The following WDR64 variants were observed in gnomAD, a reference collection of about 807,000 sequenced individuals.
WDR64 encodes the protein WD repeat domain 64.
In WDR64, 112 loss-of-function variants were observed where a neutral mutation model predicts 139.3. The observed-to-expected ratio is 0.80, with a 90% confidence interval of 0.69 to 0.94. The LOEUF is 0.94. WDR64 is among the 40% of genes least tolerant of loss of function. WDR64 has a pLI of 0.00. For synonymous variants in WDR64, 444 were observed against 437.7 expected, an observed-to-expected ratio of 1.01 and a Z score of -0.18; for missense variants, 1,206 against 1,293.1, an observed-to-expected ratio of 0.93 and a Z score of 1.03.
chr1:241,669,590 G>A (rs149690231), intron 2 of WDR64, among the ~76,000 whole-genome samples: 3,816 of 152,204 alleles, frequency 0.025, 59 homozygotes, highest in Middle Eastern at 0.044. Flanking sequence ...AGCAAGTCTC[G>A]ATGAGCCTGA....
At chr1:241,654,495 G>C (rs1313773031) in intron 1 of WDR64, among the ~76,000 whole-genome samples, 1 of 152,150 alleles carries the variant, frequency 6.6e-6, no homozygotes, top group Non-Finnish European at 1.5e-5. Flanking sequence ...ACTGTTAGCT[G>C]CCTCTGCTTC....
Position 241,652,481 on chromosome 1 carries a change from C to A in WDR64, c.-4C>A. ...TACAGAAGTAAAAGATCCCCTATGT[C>A]CCTATGGATATCAGGAAGGAAAAGC... is the stretch of plus-strand genomic sequence containing the variant. On this transcript the variant is annotated 5_prime_UTR_variant, in exon 1 of 28. Coordinates refer to ENST00000437684, the MANE Select transcript of WDR64 (RefSeq NM_001367482.1). 1 of 1,551,992 alleles carries A rather than the reference C, an allele frequency of 6.4e-7. No individual in the cohort carries two copies. The highest frequency in any genetic ancestry group is 2.4e-5 in the East Asian group (1 of 40,910).
intron 8 of WDR64, among the ~76,000 whole-genome samples, chr1:241,707,762 G>T (rs552499698): frequency 3.5e-4 from 54 of 152,312 alleles, no homozygotes; most frequent in African/African-American, 1.3e-3. Flanking sequence ...CCAGCTGCAG[G>T]TATAGGGGAA....
intron 8 of WDR64, among the ~76,000 whole-genome samples, chr1:241,705,387 A>C (rs941420542): frequency 2.0e-5 from 3 of 151,366 alleles, no homozygotes; most frequent in Non-Finnish European, 4.4e-5. Context: ...TGAAAATACA[A>C]AAAAAATAGC....
Position 241,656,724 on chromosome 1 carries a change from G to A in WDR64, c.146-3806G>A, listed in dbSNP as rs536565761. ...TAAATAATTATTTGTATATGTGTGC[G>A]TGTGTGGAGTTGGGGGCCTAGGGTG... is the stretch of plus-strand genomic sequence containing the variant. On this transcript the variant is annotated intron_variant, in intron 1 of 27. Coordinates refer to ENST00000437684, the MANE Select transcript of WDR64 (RefSeq NM_001367482.1). This position sits in a 1 kb window ranked among gnomAD's most constrained non-coding sequence, Gnocchi z 4.3. 5.6e-4 allele frequency among the ~76,000 whole-genome samples: 85 copies of A among 152,018 alleles called. No individual in the cohort carries two copies. Among genetic ancestry groups the A allele is most frequent in the Non-Finnish European group, 1.0e-3 (70 of 68,020 alleles).
In WDR64 at chr1:241,751,090, T is replaced by C. The variant is rs192419403; in HGVS notation, c.1770+1368T>C. Among the ~76,000 whole-genome samples the C allele has an allele frequency of 6.7e-3, 1,018 of 152,322 alleles. 5 individuals carry two copies. The highest frequency in any genetic ancestry group is 0.023 in the African/African-American group (967 of 41,558). On this transcript the variant is annotated intron_variant, in intron 14 of 27. Coordinates refer to ENST00000437684, the MANE Select transcript of WDR64 (RefSeq NM_001367482.1). ...GAATACTTTCATTCATTCATTTTTT[T>C]CAATGACCAGTTACCAAATATTTGC...
chr1:241,684,343 CA>C (rs1435243767), intron 7 of WDR64, among the ~76,000 whole-genome samples: 4 of 152,138 alleles, frequency 2.6e-5, no homozygotes, highest in African/African-American at 9.7e-5. Flanking sequence ...AAATGGTCAA[CA>C]AACATTTCAA....
intron 2 of WDR64, among the ~76,000 whole-genome samples, chr1:241,663,166 A>T (rs907506127): frequency 1.3e-5 from 2 of 152,236 alleles, no homozygotes; most frequent in Non-Finnish European, 2.9e-5. Flanking sequence ...GGATAACTCT[A>T]TTGAAAAAAG....
At chr1:241,799,808 C>T (rs1172747709) in intron 27 of WDR64, among the ~76,000 whole-genome samples, 1 of 151,982 alleles carries the variant, frequency 6.6e-6, no homozygotes, top group East Asian at 1.9e-4. Context: ...CTAGAGAGCC[C>T]CACCCTTCCC....
intron 2 of WDR64, among the ~76,000 whole-genome samples, chr1:241,665,177 C>T (rs1665983938): frequency 6.6e-6 from 1 of 152,096 alleles, no homozygotes; most frequent in Non-Finnish European, 1.5e-5. Flanking sequence ...GCTTCTGGCA[C>T]ACTGTATGTA....
Position 241,771,523 on chromosome 1 carries a change from CA to C in WDR64, c.2254-129del, listed in dbSNP as rs139942709. On this transcript the variant is annotated intron_variant, in intron 18 of 27. Transcript: ENST00000437684. ...GAAAATCTCTGCAATACATTTTTTT[CA>C]AAAAAAAATTAAAGTATAATTTTAA... 8.5e-4 allele frequency: 445 copies of C among 521,442 alleles called. 8 individuals are homozygous for C. In the South Asian group the frequency reaches 0.024, roughly 28 times the overall value. The allele number at this position is 521,442 out of a possible 1,614,324, so 32.3% of individuals were successfully genotyped here.
At chr1:241,768,013 G>T (rs1389873862) in intron 16 of WDR64, among the ~76,000 whole-genome samples, 4 of 152,160 alleles carry the variant, frequency 2.6e-5, no homozygotes, top group African/African-American at 9.7e-5. Context: ...GTCAGCTTGT[G>T]TATGACTCTT....
At chr1:241,719,388 G>C (rs188714212) in intron 9 of WDR64, among the ~76,000 whole-genome samples, 6 of 152,280 alleles carry the variant, frequency 3.9e-5, no homozygotes, top group Non-Finnish European at 5.9e-5. Context: ...AATTAACTAT[G>C]AAGGATGATG....
At chr1:241,687,703 A>G in intron 8 of WDR64, 108 bp downstream of exon 8, 1 of 1,126,624 alleles carries the variant, frequency 8.9e-7, no homozygotes, top group Non-Finnish European at 1.2e-6. Context: ...AAAAAATCGG[A>G]CATTAACTAT....
intron 14 of WDR64, among the ~76,000 whole-genome samples, chr1:241,756,368 T>C (rs970202710): frequency 2.0e-5 from 3 of 152,178 alleles, no homozygotes; most frequent in Admixed American, 6.5e-5. Context: ...TGTTTGTCTA[T>C]TGCTGGTGTA....
chr1:241,757,568 C>T, intron 15 of WDR64, 109 bp downstream of exon 15: 1 of 1,036,534 alleles, frequency 9.6e-7, no homozygotes, highest in Non-Finnish European at 1.3e-6. Flanking sequence ...TGTGTTATCA[C>T]TCAGCTTCGA....
In WDR64 at chr1:241,672,291, G is replaced by GA. The variant is rs1018922710; in HGVS notation, c.379+1124dup. Among the ~76,000 whole-genome samples the GA allele has an allele frequency of 3.3e-5, 5 of 150,484 alleles. No homozygotes were observed. In the East Asian group the frequency reaches 5.8e-4, roughly 18 times the overall value. On this transcript the variant is annotated intron_variant, in intron 3 of 27. Coordinates refer to ENST00000437684, the MANE Select transcript of WDR64 (RefSeq NM_001367482.1). ...GCCTGGCTTCTGGCCATGGGAACTAGAAAAAAAAAGAAAAAGAAAAAGAAA... is the reference window on the plus strand; with the variant it reads ...GCCTGGCTTCTGGCCATGGGAACTAGAAAAAAAAAAGAAAAAGAAAAAGAAA...
intron 1 of WDR64, among the ~76,000 whole-genome samples, chr1:241,655,413 T>C (rs1175298332): frequency 6.6e-6 from 1 of 152,082 alleles, no homozygotes. Context: ...AAAATAGTCT[T>C]TTTGCCAAGT....
Position 241,687,541 on chromosome 1 carries a change from T to TA in WDR64, c.921dup (p.Asp308ArgfsTer3). 2.5e-6 allele frequency: 4 copies of TA among 1,613,846 alleles called. No homozygotes were observed. In the South Asian group the frequency reaches 3.3e-5, roughly 13 times the overall value. The stretch of plus-strand genomic sequence containing the variant: ...CTAAATTGTTTTGGATCCTGCTCCT[T>TA]AGACAGTAATCATTCATTAGTTTTG... On this transcript the variant is annotated frameshift_variant, in exon 8 of 28. Coordinates refer to ENST00000437684, the MANE Select transcript of WDR64 (RefSeq NM_001367482.1). LOFTEE classifies it high-confidence loss of function.
Sources: gnomAD v4.1 joint callset for allele counts (sites outside exome capture counted in the v4.1 genomes callset) on GRCh38, gnomAD v4.1.1 for gene constraint, Gnocchi (gnomAD v3.1) non-coding constraint, MANE v1.5 for transcripts, NCBI Gene and HGNC (gene_info 2026-07-23, HGNC 2026-07-21) for gene names.